ATP9B: variants seen among roughly 807,000 people sequenced by gnomAD.
ATP9B encodes the protein probable phospholipid-transporting ATPase IIB.
Under a neutral mutation model 146.1 loss-of-function variants are expected in ATP9B, and 110 were observed. That is an observed-to-expected ratio of 0.75 (90% CI 0.65 to 0.88). The LOEUF is 0.88. Among genes scored for constraint, ATP9B ranks in the 40% least tolerant of loss-of-function variants. ATP9B has a pLI of 0.00. For missense variants in ATP9B, 1,499 were observed against 1,496.4 expected (o/e 1.00, Z -0.03); for synonymous variants, 604 against 569.7 (o/e 1.06, Z -0.86).
At chr18:79,336,515 C>T (rs1309308470) in intron 17 of ATP9B, 113 bp from the exon 18 acceptor site, 3 of 885,406 alleles carry the variant, frequency 3.4e-6, no homozygotes, top group African/African-American at 3.3e-5. Flanking sequence ...TGAAGGTGGG[C>T]ACAGGACATG....
At chr18:79,167,785 C>T (rs1360073904) in intron 7 of ATP9B, among the ~76,000 whole-genome samples, 2 of 152,152 alleles carry the variant, frequency 1.3e-5, no homozygotes, top group Admixed American at 6.5e-5. Context: ...GCAGCCCGGC[C>T]CCGAGGCTTC....
chr18:79,244,861 T>G (rs2095927360), intron 11 of ATP9B, among the ~76,000 whole-genome samples: 1 of 152,238 alleles, frequency 6.6e-6, no homozygotes, highest in Non-Finnish European at 1.5e-5. Flanking sequence ...AAAGCCATGG[T>G]CTTCCCTTTC....
chr18:79,139,094 T>TTG (rs142107203), intron 5 of ATP9B, among the ~76,000 whole-genome samples: 9 of 152,100 alleles, frequency 5.9e-5, no homozygotes, highest in African/African-American at 1.2e-4. Context: ...CACTCATACC[T>TTG]TGTGTGTGTG....
Position 79,143,845 on chromosome 18 carries a change from C to T in ATP9B, c.711C>T (p.Leu237=). The stretch of plus-strand genomic sequence containing the variant: ...GTTCAGACATACAAGTTGGAGACCT[C>T]ATCATAGTGGAAAAGGTTGATGATT... ...VKSSDIQVGD[L]IIVEKNQRIP... The change falls in exon 6 of 30, where the codon CTC becomes CTT. Residue 237 remains leucine (L), a synonymous_variant. Coordinates refer to ENST00000426216, the MANE Select transcript of ATP9B (RefSeq NM_198531.5). 1.3e-6 allele frequency: 2 copies of T among 1,581,420 alleles called. No individual in the cohort carries two copies. Among genetic ancestry groups the T allele is most frequent in the Non-Finnish European group, 1.7e-6 (2 of 1,165,254 alleles).
intron 15 of ATP9B, among the ~76,000 whole-genome samples, chr18:79,323,763 A>G (rs914336567): frequency 6.6e-6 from 1 of 152,132 alleles, no homozygotes; most frequent in Admixed American, 6.5e-5. Flanking sequence ...GCCGCAGTAC[A>G]CGTAGGGGTG....
intron 11 of ATP9B, among the ~76,000 whole-genome samples, chr18:79,244,330 A>C (rs1219584913): frequency 6.6e-6 from 1 of 152,190 alleles, no homozygotes; most frequent in East Asian, 1.9e-4. Context: ...TTCTCTTCTG[A>C]ATCACAGCCT....
In ATP9B at chr18:79,336,604, G is replaced by A. The variant is rs751274419; in HGVS notation, c.2029-24G>A. On this transcript the variant is annotated intron_variant, in intron 17 of 29. Transcript: ENST00000426216. The stretch of plus-strand genomic sequence containing the variant: ...CACAGGGGCTCTGCAGGGCCCACCT[G>A]TGACTCGGCCTCTCCTTTTCCAGTG... 4 of 1,611,594 alleles carry A rather than the reference G, an allele frequency of 2.5e-6. No homozygotes were observed. The African/African-American group carries it at 4.0e-5, about 16-fold the overall frequency.
At chr18:79,238,772 G>A (rs1240645398) in intron 11 of ATP9B, among the ~76,000 whole-genome samples, 1 of 152,180 alleles carries the variant, frequency 6.6e-6, no homozygotes, top group Non-Finnish European at 1.5e-5. Context: ...TTGGGGTGGT[G>A]ATCTGTGGTG....
chr18:79,163,250 A>G (rs1385005861), intron 7 of ATP9B, among the ~76,000 whole-genome samples: 3 of 152,234 alleles, frequency 2.0e-5, no homozygotes, highest in Non-Finnish European at 2.9e-5. Flanking sequence ...TAAAAGTAAT[A>G]ACGTTGTTTT....
At chr18:79,349,501 A>G (rs2096910510) in intron 25 of ATP9B, among the ~76,000 whole-genome samples, 1 of 152,192 alleles carries the variant, frequency 6.6e-6, no homozygotes, top group African/African-American at 2.4e-5. Context: ...AGCTTACCCC[A>G]GGTCCACAGA....
intron 13 of ATP9B, among the ~76,000 whole-genome samples, chr18:79,292,878 A>G (rs1174774744): frequency 6.6e-6 from 1 of 151,966 alleles, no homozygotes; most frequent in East Asian, 1.9e-4. Context: ...GTGCCTCAGC[A>G]CCCAAAATGC....
intron 15 of ATP9B, among the ~76,000 whole-genome samples, chr18:79,312,286 T>A (rs1271113561): frequency 1.3e-5 from 2 of 152,374 alleles, no homozygotes; most frequent in Non-Finnish European, 1.5e-5. Flanking sequence ...TACTTTTTCC[T>A]AAATGCAGTT....
chr18:79,117,174 G>GA (rs1199803953), intron 4 of ATP9B: 3 of 152,090 alleles, frequency 2.0e-5, no homozygotes, highest in African/African-American at 7.2e-5. Flanking sequence ...TGTATAGAAG[G>GA]AAATCCACAG....
At chr18:79,274,806 G>A (rs1164745060) in intron 12 of ATP9B, among the ~76,000 whole-genome samples, 3 of 152,114 alleles carry the variant, frequency 2.0e-5, no homozygotes, top group Non-Finnish European at 4.4e-5. Context: ...TCTTCCGAGA[G>A]CACTTGTATT....
intron 4 of ATP9B, among the ~76,000 whole-genome samples, chr18:79,124,343 T>C (rs1398222521): frequency 6.6e-6 from 1 of 152,248 alleles, no homozygotes; most frequent in African/African-American, 2.4e-5. Flanking sequence ...ATGTGAATTA[T>C]ATATCAACAA....
chr18:79,142,171 G>A (rs1306933970), intron 5 of ATP9B, among the ~76,000 whole-genome samples: 5 of 151,984 alleles, frequency 3.3e-5, no homozygotes, highest in Middle Eastern at 3.4e-3. Flanking sequence ...AACTTTTTTC[G>A]TTAAACATGT....
At chr18:79,328,227 G>A (rs1297230099) in intron 15 of ATP9B, among the ~76,000 whole-genome samples, 1 of 152,192 alleles carries the variant, frequency 6.6e-6, no homozygotes, top group Non-Finnish European at 1.5e-5. Context: ...TGGTTAGTGT[G>A]CCTTTAGCTG....
intron 10 of ATP9B, among the ~76,000 whole-genome samples, chr18:79,207,756 C>T (rs1186233343): frequency 6.6e-6 from 1 of 151,940 alleles, no homozygotes; most frequent in Non-Finnish European, 1.5e-5. Context: ...GGATGCCACT[C>T]ACTCCCCCAT....
intron 8 of ATP9B, 111 bp from the exon 9 acceptor site, chr18:79,193,072 G>C: frequency 1.3e-6 from 1 of 775,058 alleles, no homozygotes; most frequent in Non-Finnish European, 2.0e-6. Flanking sequence ...GAAAATCAAT[G>C]ATTGCTTTTG....
Sources: gnomAD v4.1 joint callset for allele counts (sites outside exome capture counted in the v4.1 genomes callset) on GRCh38, gnomAD v4.1.1 for gene constraint, MANE v1.5 for transcripts, NCBI Gene and HGNC (gene_info 2026-07-23, HGNC 2026-07-21) for gene names.